Variants in RIMBP2 observed in about 807,000 individuals in gnomAD.
The protein encoded by RIMBP2 is RIMS binding protein 2.
In RIMBP2, 48 loss-of-function variants were observed where a neutral mutation model predicts 118.6. The ratio of observed to expected loss-of-function variants is 0.40; its 90% CI spans 0.32 to 0.51. The LOEUF (loss-of-function observed/expected upper bound fraction) is 0.51, where lower values mean the gene tolerates loss of function less well. RIMBP2 is among the 20% of genes least tolerant of loss of function. RIMBP2 has a pLI of 0.41. For synonymous variants in RIMBP2, 762 were observed against 742.9 expected, an observed-to-expected ratio of 1.03 and a Z score of -0.42; for missense variants, 1,551 against 1,768.3, an observed-to-expected ratio of 0.88 and a Z score of 2.20.
intron 2 of RIMBP2, among the ~76,000 whole-genome samples, chr12:130,611,224 T>G (rs1043418094): frequency 2.1e-4 from 32 of 152,304 alleles, no homozygotes; most frequent in African/African-American, 6.3e-4. Context: ...CTCCTGGAAC[T>G]GCACATTCCC....
At chr12:130,571,284 G>A (rs773047205) in intron 2 of RIMBP2, among the ~76,000 whole-genome samples, 6 of 152,108 alleles carry the variant, frequency 3.9e-5, no homozygotes, top group Admixed American at 3.3e-4. Context: ...ATGGGTCCCC[G>A]CAAGGGGAAC....
intron 1 of RIMBP2, among the ~76,000 whole-genome samples, chr12:130,650,520 C>T (rs899459368): frequency 6.6e-6 from 1 of 152,252 alleles, no homozygotes; most frequent in African/African-American, 2.4e-5. Context: ...GTCACAGGGG[C>T]CTGCCCACCT....
At chr12:130,534,239 G>A (rs1174370272) in intron 2 of RIMBP2, among the ~76,000 whole-genome samples, 1 of 148,076 alleles carries the variant, frequency 6.8e-6, no homozygotes, top group Admixed American at 6.8e-5. Context: ...GGGAGGGAGT[G>A]GGAGGTGGTG....
chr12:130,606,409 C>T (rs1037681724), intron 2 of RIMBP2, among the ~76,000 whole-genome samples: 3 of 152,144 alleles, frequency 2.0e-5, no homozygotes, highest in African/African-American at 4.8e-5. Context: ...AAGCGTGACG[C>T]GTGGGCAGGG....
At chr12:130,691,854 C>T (rs2065321357) in intron 1 of RIMBP2, among the ~76,000 whole-genome samples, 1 of 152,124 alleles carries the variant, frequency 6.6e-6, no homozygotes, top group African/African-American at 2.4e-5. Context: ...TAGAGGCTTC[C>T]TGAGGGTGTG....
At chr12:130,590,482 G>A (rs887177483) in intron 2 of RIMBP2, among the ~76,000 whole-genome samples, 3 of 152,166 alleles carry the variant, frequency 2.0e-5, no homozygotes, top group African/African-American at 7.2e-5. Context: ...AACATTCCAT[G>A]AAGTCTTCAA....
chr12:130,605,511 A>C (rs2060131204), intron 2 of RIMBP2, among the ~76,000 whole-genome samples: 1 of 152,156 alleles, frequency 6.6e-6, no homozygotes, highest in Non-Finnish European at 1.5e-5. Flanking sequence ...GCTATTGGGG[A>C]ATTACTGTTC....
chr12:130,639,883 G>C (rs908091465), intron 1 of RIMBP2, among the ~76,000 whole-genome samples: 1 of 152,190 alleles, frequency 6.6e-6, no homozygotes, highest in Non-Finnish European at 1.5e-5. Flanking sequence ...CCATTCTCCA[G>C]AGATGTAAAT....
Position 130,441,864 on chromosome 12 carries a change from G to T in RIMBP2, c.1488C>A (p.Phe496Leu). The T allele has an allele frequency of 6.2e-7, 1 of 1,613,706 alleles. No homozygotes were observed. Residue 496 changes from phenylalanine to leucine, a missense_variant, in exon 11 of 23, where the codon TTC (phenylalanine) becomes TTA (leucine). Around this residue, in one of 5 missense-constraint regions of RIMBP2, gnomAD observed 1,038 missense variants for 1,125.1 expected, o/e 0.92. Coordinates refer to ENST00000690449, the MANE Select transcript of RIMBP2 (RefSeq NM_001393629.1). ...QREKKEAFVEFSTLPAGPPAP... is the reference protein window; with the variant it reads ...QREKKEAFVELSTLPAGPPAP... ...AGGGCTCACCTGCAGGCAACGTGGA[G>T]AACTCCACAAAGGCCTCCTTCTTCT...
intron 1 of RIMBP2, among the ~76,000 whole-genome samples, chr12:130,650,688 T>C (rs2063191857): frequency 1.3e-5 from 2 of 152,316 alleles, no homozygotes; most frequent in Middle Eastern, 3.4e-3. Flanking sequence ...ACTCTAATTG[T>C]CTGAAGACCC....
chr12:130,558,393 C>T (rs547982476), intron 2 of RIMBP2, among the ~76,000 whole-genome samples: 31 of 152,126 alleles, frequency 2.0e-4, no homozygotes, highest in Non-Finnish European at 3.8e-4. Flanking sequence ...TGCAAACACA[C>T]ACAGCTGCCG....
chr12:130,450,186 G>A lies in RIMBP2; in HGVS notation c.581+14C>T. 1.3e-6 allele frequency: 2 copies of A among 1,588,192 alleles called. No homozygotes were observed. Among genetic ancestry groups the A allele is most frequent in the Non-Finnish European group, 1.7e-6 (2 of 1,162,788 alleles). ...CTCACAGGGGCTCGGTGGACGCCGA[G>A]GGGCCGCACTTACCTATAGCGGGCA... On this transcript the variant is annotated intron_variant, in intron 9 of 22. Coordinates refer to ENST00000690449, the MANE Select transcript of RIMBP2 (RefSeq NM_001393629.1). The surrounding 1 kb of genome is among the most constrained non-coding windows in gnomAD (Gnocchi z 4.8).
rs1027719858 is a variant in RIMBP2, at chr12:130,431,647, T to C, written c.2253+3087A>G. The C allele has an allele frequency of 4.5e-5, 7 of 154,734 alleles. No individual in the cohort carries two copies. The highest frequency in any genetic ancestry group is 1.7e-4 in the African/African-American group (7 of 41,420). 9.6% of individuals were successfully genotyped at this position (154,734 alleles called of 1,614,324 possible). A position where few individuals can be genotyped will look rare whatever the true frequency, so the allele number is the denominator to read the frequency against. On this transcript the variant is annotated intron_variant, in intron 14 of 22. Transcript: ENST00000690449. The surrounding 1 kb of genome is among the most constrained non-coding windows in gnomAD (Gnocchi z 4.0). ...CAACATAAAACAATGCTGCTAAATATTAACGCTTTTTAAATTTTAATAGAA... is the reference window on the plus strand; with the variant it reads ...CAACATAAAACAATGCTGCTAAATACTAACGCTTTTTAAATTTTAATAGAA...
Position 130,431,321 on chromosome 12 carries a change from G to A in RIMBP2, c.2254-2984C>T. On this transcript the variant is annotated intron_variant, in intron 14 of 22. Coordinates refer to ENST00000690449, the MANE Select transcript of RIMBP2 (RefSeq NM_001393629.1). This position sits in a 1 kb window ranked among gnomAD's most constrained non-coding sequence, Gnocchi z 4.0. ...AGGGGGTAAGGGCTCATGTGACGGG[G>A]CGGGCAGCATGGGGAAGCGGATGGT... is the stretch of plus-strand genomic sequence containing the variant. 1 of 283,868 alleles carries A rather than the reference G, an allele frequency of 3.5e-6. No homozygotes were observed. The highest frequency in any genetic ancestry group is 3.3e-5 in the South Asian group (1 of 30,768). The allele number at this position is 283,868 out of a possible 1,614,324, so 17.6% of individuals were successfully genotyped here.
At chr12:130,451,126 C>T (rs1358396601) in intron 8 of RIMBP2, 69 bp downstream of exon 8, 1 of 1,537,662 alleles carries the variant, frequency 6.5e-7, no homozygotes, top group South Asian at 1.2e-5. Context: ...ACAGGACAAA[C>T]TGGCCAACGT....
intron 2 of RIMBP2, among the ~76,000 whole-genome samples, chr12:130,577,776 C>G (rs2140144893): frequency 6.6e-6 from 1 of 152,264 alleles, no homozygotes; most frequent in Non-Finnish European, 1.5e-5. Context: ...AAACGGGAAG[C>G]TGACATCCCT....
rs540665204 is a variant in RIMBP2, at chr12:130,710,673, G to A, written c.-352+5549C>T. On this transcript the variant is annotated intron_variant, in intron 1 of 22. Transcript: ENST00000690449. The surrounding 1 kb of genome is among the most constrained non-coding windows in gnomAD (Gnocchi z 4.3). ...CCCGCCCCAGGCTCAGCACCAACAG[G>A]AAGGACCTGTCCACACAGCTAGGCC... Among the ~76,000 whole-genome samples, 2 of 152,314 alleles carry A rather than the reference G, an allele frequency of 1.3e-5. No homozygotes were observed. The highest frequency in any genetic ancestry group is 4.1e-4 in the South Asian group (2 of 4,828).
intron 2 of RIMBP2, among the ~76,000 whole-genome samples, chr12:130,552,149 T>C (rs980381476): frequency 1.3e-5 from 2 of 152,226 alleles, no homozygotes; most frequent in Admixed American, 1.3e-4. Flanking sequence ...AGAGAGCTTC[T>C]AATAAATGAA....
intron 2 of RIMBP2, among the ~76,000 whole-genome samples, chr12:130,580,573 C>T (rs1019244827): frequency 6.6e-6 from 1 of 152,248 alleles, no homozygotes; most frequent in African/African-American, 2.4e-5. Flanking sequence ...TGAGAACAGA[C>T]TAATACATCG....
Sources: allele counts gnomAD v4.1 joint callset (sites outside exome capture counted in the v4.1 genomes callset), GRCh38; gene constraint gnomAD v4.1.1; regional missense constraint gnomAD v4.1.1; non-coding constraint Gnocchi (gnomAD v3.1); transcripts MANE v1.5; gene names NCBI Gene and HGNC (gene_info 2026-07-23, HGNC 2026-07-21).